Variants in KIF21B observed in about 807,000 individuals in gnomAD.
The protein encoded by KIF21B is kinesin-like protein KIF21B.
Under a neutral mutation model 192.9 loss-of-function variants are expected in KIF21B, and 85 were observed. That is an observed-to-expected ratio of 0.44 (90% CI 0.37 to 0.53). The LOEUF (loss-of-function observed/expected upper bound fraction) is 0.53, where lower values mean the gene tolerates loss of function less well. KIF21B is among the 20% of genes least tolerant of loss of function. The pLI is 0.00. For missense variants in KIF21B, 1,716 were observed against 2,194.8 expected, an observed-to-expected ratio of 0.78 and a Z score of 4.36; for synonymous variants, 832 against 884.6, an observed-to-expected ratio of 0.94 and a Z score of 1.05.
At position 200,989,936 on chromosome 1, in the gene KIF21B, G is replaced by A; in HGVS notation, c.3132+6C>T. On this transcript the variant is annotated splice_donor_region_variant and intron_variant, in intron 21 of 34. Coordinates refer to ENST00000461742, the MANE Select transcript of KIF21B (RefSeq NM_001252102.2). ...AGCCCCCTGCCCATGTACGCTCCCA[G>A]CTTACCTTGTCAATGGATGCCTTGA... 1 of 1,612,230 alleles carries A rather than the reference G, an allele frequency of 6.2e-7. No homozygotes were observed.
intron 1 of KIF21B, among the ~76,000 whole-genome samples, chr1:201,020,681 C>G (rs1480030415): frequency 1.3e-5 from 2 of 152,184 alleles, no homozygotes; most frequent in African/African-American, 2.4e-5. Flanking sequence ...TCCAGGAGCC[C>G]AGGCCTTCAC....
chr1:200,979,128 G>GT (rs908254846), intron 30 of KIF21B, among the ~76,000 whole-genome samples: 42 of 152,374 alleles, frequency 2.8e-4, no homozygotes, highest in African/African-American at 9.9e-4. Flanking sequence ...CCCTATGCCT[G>GT]TGTGTCTGAG....
At chr1:200,981,121 G>A (rs1293752445) in intron 28 of KIF21B, 25 bp from the exon 29 acceptor site, 2 of 1,570,310 alleles carry the variant, frequency 1.3e-6, no homozygotes, top group Non-Finnish European at 1.7e-6. Context: ...GGGAGAGAAG[G>A]CATGCTCGTC....
intron 2 of KIF21B, 94 bp from the exon 3 acceptor site, chr1:201,009,045 T>C (rs1571963592): frequency 7.1e-7 from 1 of 1,413,832 alleles, no homozygotes; most frequent in Non-Finnish European, 9.5e-7. Context: ...CTCATCTACC[T>C]CCCAGCCCGG....
At chr1:200,978,485 C>G (rs56411829) in intron 30 of KIF21B, among the ~76,000 whole-genome samples, 8,822 of 150,696 alleles carry the variant, frequency 0.059, 625 homozygotes, top group African/African-American at 0.15. Context: ...ATTATCAACA[C>G]CCCCCACCAG....
At chr1:201,009,877 G>A (rs1013462455) in intron 1 of KIF21B, among the ~76,000 whole-genome samples, 44 of 152,166 alleles carry the variant, frequency 2.9e-4, no homozygotes, top group African/African-American at 8.7e-4. Flanking sequence ...AAGTGATGGC[G>A]CCATGTCCAG....
chr1:200,998,645 G>T lies in KIF21B; in HGVS notation c.1886-70C>A. ...CAAATTGGGGAGCAGATGTGCCAGTGCTGGGGAGCTGGGACCCTCCTTTGG... is the reference window on the plus strand; with the variant it reads ...CAAATTGGGGAGCAGATGTGCCAGTTCTGGGGAGCTGGGACCCTCCTTTGG... On this transcript the variant is annotated intron_variant, in intron 13 of 34. Coordinates refer to ENST00000461742, the MANE Select transcript of KIF21B (RefSeq NM_001252102.2). The surrounding 1 kb of genome is among the most constrained non-coding windows in gnomAD (Gnocchi z 4.3). 7.2e-7 allele frequency: 1 copy of T among 1,397,046 alleles called. No individual in the cohort carries two copies. Among genetic ancestry groups the T allele is most frequent in the Non-Finnish European group, 9.9e-7 (1 of 1,005,234 alleles). The allele number at this position is 1,397,046 out of a possible 1,614,324, so 86.5% of individuals were successfully genotyped here. A position where few individuals can be genotyped will look rare whatever the true frequency, so the allele number is the denominator to read the frequency against.
At chr1:201,007,606 AG>A (rs1405639098) in intron 3 of KIF21B, among the ~76,000 whole-genome samples, 32 of 151,440 alleles carry the variant, frequency 2.1e-4, no homozygotes, top group Middle Eastern at 3.4e-3. Context: ...AGACACACAC[AG>A]AGATACACAC....
rs919216489 is a variant in KIF21B at position 200,970,644 on chromosome 1, A to G, written c.*2877T>C. 3.9e-5 allele frequency: 6 copies of G among 152,534 alleles called. No individual in the cohort carries two copies. The highest frequency in any genetic ancestry group is 4.1e-4 in the South Asian group (2 of 4,834). The allele number at this position is 152,534 out of a possible 1,614,324, so 9.4% of individuals were successfully genotyped here. On this transcript the variant is annotated 3_prime_UTR_variant, in exon 35 of 35. Transcript: ENST00000461742. ...GAGGCCCAAGGGCAGTGGGGATGGAAGACTCCTTCTATCCAGGGAACCCGC... is the reference window on the plus strand; with the variant it reads ...GAGGCCCAAGGGCAGTGGGGATGGAGGACTCCTTCTATCCAGGGAACCCGC...
rs1254694291 is a variant in KIF21B at position 201,023,268 on chromosome 1, C to T, written c.41+75G>A. ...GGCTCCAGCCCAAGCGGTGCTCGCG[C>T]CCCCCGCCCAAAGCCCACGCGAGAC... is the stretch of plus-strand genomic sequence containing the variant. On this transcript the variant is annotated intron_variant, in intron 1 of 34. Transcript: ENST00000461742. This position sits in a 1 kb window ranked among gnomAD's most constrained non-coding sequence, Gnocchi z 5.9. The T allele has an allele frequency of 1.3e-5, 17 of 1,323,412 alleles. No individual in the cohort carries two copies. Among genetic ancestry groups the T allele is most frequent in the East Asian group, 1.2e-4 (4 of 34,048 alleles). The allele number at this position is 1,323,412 out of a possible 1,614,324, so 82.0% of individuals were successfully genotyped here.
Position 201,005,567 on chromosome 1 carries a change from C to T in KIF21B, c.575G>A (p.Arg192His), listed in dbSNP as rs754732012. The T allele has an allele frequency of 9.3e-6, 15 of 1,613,658 alleles. No individual in the cohort carries two copies. The Middle Eastern group carries it at 4.9e-4, about 53-fold the overall frequency. ...GGIYTTGVTSRLIHSQEELIQ... is the reference protein window; with the variant it reads ...GGIYTTGVTSHLIHSQEELIQ... ...CACCTCCTCCTGGGAGTGGATGAGG[C>T]GAGAAGTGACGCCAGTGGTGTAGAT... is the stretch of plus-strand genomic sequence containing the variant. The change falls in exon 4 of 35, where the codon CGC becomes CAC. Residue 192 changes from arginine to histidine, a missense_variant. Arg to His is a conservative substitution (Grantham distance 29, BLOSUM62 0). Transcript: ENST00000461742.
intron 1 of KIF21B, among the ~76,000 whole-genome samples, chr1:201,011,385 A>G (rs911715679): frequency 6.6e-5 from 10 of 152,360 alleles, no homozygotes; most frequent in Non-Finnish European, 1.5e-4. Flanking sequence ...TGTATGGATG[A>G]AGAAGCTGAG....
chr1:201,000,495 C>T lies in KIF21B; in HGVS notation c.1580G>A (p.Gly527Glu), dbSNP rs745715373. The change falls in exon 11 of 35, where the codon GGG becomes GAG. Residue 527 changes from glycine to glutamate, a missense_variant. Transcript: ENST00000461742. The surrounding 1 kb of genome is among the most constrained non-coding windows in gnomAD (Gnocchi z 6.0). ...CTCCATGGAGCTGGCAGGGCTGCCC[C>T]CGAAGGCCGGGGCGGCTGGAGAAGC... is the stretch of plus-strand genomic sequence containing the variant. ...LGASPAAPAF[G>E]GSPASSMEDA... 1.2e-6 allele frequency: 2 copies of T among 1,609,020 alleles called. No homozygotes were observed. Among genetic ancestry groups the T allele is most frequent in the Admixed American group, 3.4e-5 (2 of 59,292 alleles).
At chr1:200,996,827 C>G (rs1195175742) in intron 14 of KIF21B, among the ~76,000 whole-genome samples, 1 of 152,140 alleles carries the variant, frequency 6.6e-6, no homozygotes, top group East Asian at 1.9e-4. Flanking sequence ...CTTGGCCTCT[C>G]CTACCAGAAC....
chr1:200,987,258 G>A, intron 24 of KIF21B, 57 bp from the exon 25 acceptor site: 3 of 1,479,172 alleles, frequency 2.0e-6, no homozygotes, highest in Non-Finnish European at 2.7e-6. Context: ...CACATAAAGG[G>A]GAGCCAGGGG....
intron 15 of KIF21B, among the ~76,000 whole-genome samples, chr1:200,994,266 G>A (rs1384566932): frequency 2.0e-5 from 3 of 152,242 alleles, no homozygotes; most frequent in African/African-American, 7.2e-5. Flanking sequence ...AAGGCATTGT[G>A]GCCTCTCCCT....
rs1318937845 is a variant in KIF21B, at chr1:200,982,878, G to C, written c.3842+178C>G. ...GTCCAAGGCCTTGTGGCCACCCTGA[G>C]AGAGAGGAACCATGGGGGCAGGAAC... On this transcript the variant is annotated intron_variant, in intron 28 of 34. Coordinates refer to ENST00000461742, the MANE Select transcript of KIF21B (RefSeq NM_001252102.2). This position sits in a 1 kb window ranked among gnomAD's most constrained non-coding sequence, Gnocchi z 4.7. Among the ~76,000 whole-genome samples, 6 of 152,084 alleles carry C rather than the reference G, an allele frequency of 3.9e-5. No individual in the cohort carries two copies. Among genetic ancestry groups the C allele is most frequent in the Non-Finnish European group, 8.8e-5 (6 of 68,014 alleles).
chr1:200,990,896 G>C lies in KIF21B; in HGVS notation c.2687+21C>G. ...CACCCCCTCTGCCTGCACAGGCCAG[G>C]GGACTGCCAGTCCACCTTACCGGGC... is the stretch of plus-strand genomic sequence containing the variant. On this transcript the variant is annotated intron_variant, in intron 18 of 34. Transcript: ENST00000461742. This position sits in a 1 kb window ranked among gnomAD's most constrained non-coding sequence, Gnocchi z 5.4. The C allele has an allele frequency of 6.2e-7, 1 of 1,612,522 alleles. No individual in the cohort carries two copies. Among genetic ancestry groups the C allele is most frequent in the South Asian group, 1.1e-5 (1 of 91,050 alleles).
chr1:201,008,065 C>T (rs1194132746), intron 3 of KIF21B, among the ~76,000 whole-genome samples: 2 of 152,236 alleles, frequency 1.3e-5, no homozygotes, highest in African/African-American at 2.4e-5. Flanking sequence ...GCCAAAGCCA[C>T]ATGCTTCCCT....
Sources: gnomAD v4.1 joint callset for allele counts (sites outside exome capture counted in the v4.1 genomes callset) on GRCh38, gnomAD v4.1.1 for gene constraint, Gnocchi (gnomAD v3.1) non-coding constraint, MANE v1.5 for transcripts, NCBI Gene and HGNC (gene_info 2026-07-23, HGNC 2026-07-21) for gene names.